The following SEMA5A variants were observed in gnomAD, a reference collection of about 807,000 sequenced individuals.
SEMA5A encodes the protein semaphorin-5A.
Under a neutral mutation model 135.5 loss-of-function variants are expected in SEMA5A, and 55 were observed. The ratio of observed to expected loss-of-function variants is 0.41; its 90% CI spans 0.33 to 0.51. The LOEUF (loss-of-function observed/expected upper bound fraction) is 0.51. SEMA5A is among the 20% of genes least tolerant of loss of function. The pLI, the probability that SEMA5A is intolerant of heterozygous loss-of-function variation, is 0.37. For missense variants in SEMA5A, 1,290 were observed against 1,419.9 expected, an observed-to-expected ratio of 0.91 and a Z score of 1.47; for synonymous variants, 580 against 546.5, an observed-to-expected ratio of 1.06 and a Z score of -0.85.
At chr5:9,236,800 C>G (rs1747937889) in intron 6 of SEMA5A, among the ~76,000 whole-genome samples, 1 of 152,156 alleles carries the variant, frequency 6.6e-6, no homozygotes, top group Admixed American at 6.5e-5. Context: ...TTCTCTTCTT[C>G]CTACTCCTTT....
chr5:9,534,244 T>C lies in SEMA5A; in HGVS notation c.-175+11340A>G, dbSNP rs532617265. Among the ~76,000 whole-genome samples, 3 of 152,350 alleles carry C rather than the reference T, an allele frequency of 2.0e-5. No individual in the cohort carries two copies. In the South Asian group the frequency reaches 6.2e-4, roughly 32 times the overall value. On this transcript the variant is annotated intron_variant, in intron 1 of 22. Coordinates refer to ENST00000382496, the MANE Select transcript of SEMA5A (RefSeq NM_003966.3). ...AATTGCGCCCTTTGTCCCCCGACTC[T>C]TAATGATGACGCTGCCACACCCCCA...
intron 5 of SEMA5A, among the ~76,000 whole-genome samples, chr5:9,254,625 A>AT (rs141846908): frequency 0.011 from 1,587 of 150,734 alleles, 29 homozygotes; most frequent in African/African-American, 0.037. Flanking sequence ...TGAAAATAGG[A>AT]TTTTTTTTTT....
intron 2 of SEMA5A, among the ~76,000 whole-genome samples, chr5:9,426,694 C>A (rs2126644841): frequency 6.6e-6 from 1 of 152,206 alleles, no homozygotes. Flanking sequence ...CTTCACAAAT[C>A]ATGCACACGT....
intron 5 of SEMA5A, among the ~76,000 whole-genome samples, chr5:9,303,083 C>CACACACACACACAT (rs1461506534): frequency 6.6e-6 from 1 of 151,362 alleles, no homozygotes. Context: ...CTTAAATACA[C>CACACACACACACAT]ACACACACAC....
At chr5:9,397,014 G>A (rs919520596) in intron 2 of SEMA5A, among the ~76,000 whole-genome samples, 1 of 151,098 alleles carries the variant, frequency 6.6e-6, no homozygotes, top group Admixed American at 6.6e-5. Flanking sequence ...TACTGAGGAA[G>A]AGGGAAATAG....
At chr5:9,183,486 C>A (rs925631525) in intron 11 of SEMA5A, among the ~76,000 whole-genome samples, 2 of 152,176 alleles carry the variant, frequency 1.3e-5, no homozygotes, top group Non-Finnish European at 2.9e-5. Flanking sequence ...GACGCCTGAC[C>A]ACCAGCTGCT....
At position 9,072,048 on chromosome 5, in the gene SEMA5A, A is replaced by G. The variant is rs145425154; in HGVS notation, c.2074-5402T>C. On this transcript the variant is annotated intron_variant, in intron 16 of 22. Transcript: ENST00000382496. Reference sequence around the variant, plus strand: ...GAAGGTATATAAAGGAATGTGGTGCATTCAAAATTATATGGTCACAGAGTG... The same window carrying G: ...GAAGGTATATAAAGGAATGTGGTGCGTTCAAAATTATATGGTCACAGAGTG... Among the ~76,000 whole-genome samples the G allele has an allele frequency of 5.7e-3, 867 of 152,366 alleles. 4 individuals are homozygous for G. The highest frequency in any genetic ancestry group is 0.02 in the African/African-American group (829 of 41,598).
intron 1 of SEMA5A, among the ~76,000 whole-genome samples, chr5:9,461,730 A>C (rs1441511244): frequency 6.6e-6 from 1 of 152,202 alleles, no homozygotes; most frequent in Non-Finnish European, 1.5e-5. Flanking sequence ...TATGTGGAGG[A>C]AACAGCAATA....
At chr5:9,326,208 C>T (rs1752864579) in intron 4 of SEMA5A, among the ~76,000 whole-genome samples, 1 of 152,126 alleles carries the variant, frequency 6.6e-6, no homozygotes, top group African/African-American at 2.4e-5. Flanking sequence ...TAGTGACATC[C>T]TACATGATAC....
chr5:9,220,808 TGGCTGGAAATC>T (rs1465294904), intron 8 of SEMA5A, among the ~76,000 whole-genome samples: 27 of 152,282 alleles, frequency 1.8e-4, no homozygotes, highest in Admixed American at 1.8e-3. Context: ...GTTAAGGTAA[TGGCTGGAAATC>T]GGTCCTCAAA....
chr5:9,259,700 C>A (rs1749297467), intron 5 of SEMA5A, among the ~76,000 whole-genome samples: 1 of 137,776 alleles, frequency 7.3e-6, no homozygotes. Context: ...CCAATGAGAA[C>A]AAAGACACCA....
At chr5:9,129,833 C>T (rs1232327808) in intron 13 of SEMA5A, among the ~76,000 whole-genome samples, 1 of 152,156 alleles carries the variant, frequency 6.6e-6, no homozygotes, top group East Asian at 1.9e-4. Flanking sequence ...GTAGCACCTA[C>T]AGCCCATTCT....
intron 9 of SEMA5A, 41 bp downstream of exon 9, chr5:9,201,914 G>C: frequency 2.5e-6 from 4 of 1,568,714 alleles, no homozygotes; most frequent in Non-Finnish European, 3.5e-6. Flanking sequence ...TATTCAGAAT[G>C]AGTAAGAGAG....
At chr5:9,085,999 C>G (rs935967067) in intron 16 of SEMA5A, among the ~76,000 whole-genome samples, 1 of 152,134 alleles carries the variant, frequency 6.6e-6, no homozygotes, top group African/African-American at 2.4e-5. Context: ...ATTTGACTGC[C>G]TTGCTGGATT....
chr5:9,187,453 G>A lies in SEMA5A; in HGVS notation c.1273+2814C>T, dbSNP rs75511954. The stretch of plus-strand genomic sequence containing the variant: ...AGAACTGCTTTTGTACCTGCCCTGG[G>A]TCACTGCATATGGTTTGGAGCAGGG... On this transcript the variant is annotated intron_variant, in intron 11 of 22. Coordinates refer to ENST00000382496, the MANE Select transcript of SEMA5A (RefSeq NM_003966.3). 3.6e-3 allele frequency among the ~76,000 whole-genome samples: 553 copies of A among 152,226 alleles called. 2 individuals are homozygous for A. Among genetic ancestry groups the A allele is most frequent in the African/African-American group, 0.012 (508 of 41,528 alleles).
chr5:9,115,894 TG>T (rs1740485055), intron 15 of SEMA5A, among the ~76,000 whole-genome samples: 1 of 152,216 alleles, frequency 6.6e-6, no homozygotes, highest in African/African-American at 2.4e-5. Flanking sequence ...TTTGTGATTA[TG>T]TTACATAAGT....
chr5:9,194,297 T>C (rs1224800880), intron 10 of SEMA5A, among the ~76,000 whole-genome samples: 1 of 152,240 alleles, frequency 6.6e-6, no homozygotes, highest in Non-Finnish European at 1.5e-5. Context: ...GAGATTTCTA[T>C]ATTAAATGTT....
chr5:9,241,031 C>G (rs906073208), intron 5 of SEMA5A, among the ~76,000 whole-genome samples: 2 of 151,988 alleles, frequency 1.3e-5, no homozygotes, highest in Non-Finnish European at 2.9e-5. Context: ...AGAAATATTT[C>G]TACTCTAGGC....
intron 1 of SEMA5A, among the ~76,000 whole-genome samples, chr5:9,515,769 A>T (rs1210510266): frequency 1.3e-5 from 2 of 152,230 alleles, no homozygotes; most frequent in African/African-American, 2.4e-5. Context: ...GCTTAATGTC[A>T]GTGTAAAATC....
Sources: gnomAD v4.1 joint callset for allele counts (sites outside exome capture counted in the v4.1 genomes callset) on GRCh38, gnomAD v4.1.1 for gene constraint, MANE v1.5 for transcripts, NCBI Gene and HGNC (gene_info 2026-07-23, HGNC 2026-07-21) for gene names.